Variants in COPG2 observed in about 807,000 individuals in gnomAD.
COPG2 encodes coat protein complex I subunit gamma 2.
In COPG2, 37 loss-of-function variants were observed where a neutral mutation model predicts 46.3. The observed-to-expected ratio is 0.80, with a 90% CI of 0.61 to 1.05. COPG2 has a LOEUF of 1.05. Among genes scored for constraint, COPG2 ranks in the 50% least tolerant of loss-of-function variants. The probability of loss-of-function intolerance (pLI) is 0.00; values close to 1 mark genes in which losing one functional copy is unlikely to be tolerated. For missense variants in COPG2, 427 were observed against 387.8 expected (o/e 1.10, Z -0.85); for synonymous variants, 159 against 129.7 (o/e 1.23, Z -1.53).
At position 130,668,701 on chromosome 7, in the gene COPG2, C is replaced by CA; in HGVS notation, c.-34dup. The CA allele has an allele frequency of 6.6e-7, 1 of 1,518,608 alleles. No homozygotes were observed. The highest frequency in any genetic ancestry group is 8.8e-7 in the Non-Finnish European group (1 of 1,133,782). The allele number at this position is 1,518,608 out of a possible 1,614,324, so 94.1% of individuals were successfully genotyped here. ...GACTTCCCAGCGCCCAGACCCACCG[C>CA]AACCGTCCCAGGCGCCGCAGCCGGC... On this transcript the variant is annotated 5_prime_UTR_variant, in exon 1 of 24. Coordinates refer to ENST00000425248, the MANE Select transcript of COPG2 (RefSeq NM_012133.6).
At chr7:130,665,479 G>GA (rs1185631499) in intron 3 of COPG2, among the ~76,000 whole-genome samples, 67 of 147,888 alleles carry the variant, frequency 4.5e-4, no homozygotes, top group African/African-American at 1.5e-3. Context: ...AATATTCAAG[G>GA]AAAAAAAAAA....
chr7:130,655,583 CCT>C (rs1795833800), intron 4 of COPG2, among the ~76,000 whole-genome samples: 1 of 152,132 alleles, frequency 6.6e-6, no homozygotes, highest in Non-Finnish European at 1.5e-5. Context: ...TCTCCCCGCC[CCT>C]CTTTTTTCTC....
At chr7:130,547,580 C>T in intron 20 of COPG2, 94 bp downstream of exon 20, 2 of 398,154 alleles carry the variant, frequency 5.0e-6, no homozygotes, top group Non-Finnish European at 8.9e-6. Context: ...TCTAGAAAAG[C>T]ATCACATTCT....
chr7:130,549,988 A>C (rs1793509368), intron 17 of COPG2, among the ~76,000 whole-genome samples: 1 of 152,216 alleles, frequency 6.6e-6, no homozygotes, highest in Non-Finnish European at 1.5e-5. Context: ...GACTTCAGAT[A>C]CTGTAATGCT....
intron 20 of COPG2, among the ~76,000 whole-genome samples, chr7:130,532,165 C>G (rs916195913): frequency 1.3e-5 from 2 of 152,130 alleles, no homozygotes; most frequent in African/African-American, 4.8e-5. Flanking sequence ...GGTGTGGGAA[C>G]ATAGTTCCCG....
intron 20 of COPG2, among the ~76,000 whole-genome samples, chr7:130,538,616 G>A (rs1013440481): frequency 2.0e-5 from 3 of 151,732 alleles, no homozygotes; most frequent in African/African-American, 4.8e-5. Context: ...AGGAAATGGG[G>A]CATCACTGCA....
chr7:130,523,139 G>A (rs1253822769), intron 20 of COPG2, among the ~76,000 whole-genome samples: 1 of 19,910 alleles, frequency 5.0e-5, no homozygotes, highest in African/African-American at 1.8e-4. Context: ...AAAAAAGAAG[G>A]CTCCAGGCCT....
intron 9 of COPG2, among the ~76,000 whole-genome samples, chr7:130,609,388 G>GCT (rs1354947551): frequency 6.6e-6 from 1 of 152,038 alleles, no homozygotes; most frequent in Non-Finnish European, 1.5e-5. Flanking sequence ...CTGCACAAGC[G>GCT]CTCTCTCTCT....
intron 20 of COPG2, among the ~76,000 whole-genome samples, chr7:130,522,463 G>A (rs972964640): frequency 5.7e-4 from 87 of 152,084 alleles, no homozygotes; most frequent in Admixed American, 2.2e-3. Context: ...AATATTGTAC[G>A]GGTGTGGAAG....
At chr7:130,556,172 G>A (rs1465164273) in intron 12 of COPG2, among the ~76,000 whole-genome samples, 1 of 152,170 alleles carries the variant, frequency 6.6e-6, no homozygotes, top group East Asian at 1.9e-4. Context: ...GAGTAAGTAT[G>A]CCTGTCCTTT....
chr7:130,587,310 A>G (rs1378294665), intron 9 of COPG2, among the ~76,000 whole-genome samples: 3 of 152,026 alleles, frequency 2.0e-5, no homozygotes, highest in African/African-American at 7.2e-5. Context: ...CCATCTCAAA[A>G]AAAAGAAAAG....
Position 130,564,602 on chromosome 7 carries a change from G to A in COPG2, c.738-209C>T. On this transcript the variant is annotated intron_variant, in intron 9 of 23. Coordinates refer to ENST00000425248, the MANE Select transcript of COPG2 (RefSeq NM_012133.6). ...ACTCTAAAAAATTAATCAAAGATTT[G>A]CAACAATCCTGAACATCTATTTAAG... is the stretch of plus-strand genomic sequence containing the variant. 4 of 375,988 alleles carry A rather than the reference G, an allele frequency of 1.1e-5. 1 individual carries two copies. The highest frequency in any genetic ancestry group is 1.4e-5 in the Non-Finnish European group (3 of 212,734). The allele number at this position is 375,988 out of a possible 1,614,324, so 23.3% of individuals were successfully genotyped here. A position where few individuals can be genotyped will look rare whatever the true frequency, so the allele number is the denominator to read the frequency against.
rs1001795874 is a variant in COPG2 at position 130,519,899 on chromosome 7, A to C, written c.2150-11240T>G. Among the ~76,000 whole-genome samples the C allele has an allele frequency of 7.2e-4, 109 of 152,314 alleles. 2 individuals carry two copies. The highest frequency in any genetic ancestry group is 1.2e-3 in the Non-Finnish European group (79 of 68,018). The stretch of plus-strand genomic sequence containing the variant: ...AGATCAGGAGTCTGAAAAAGAATAG[A>C]AGTTGGATAGGCTGGCACTTGAAGT... On this transcript the variant is annotated intron_variant, in intron 20 of 23. Transcript: ENST00000425248.
chr7:130,536,621 T>G (rs1436679593), intron 20 of COPG2, among the ~76,000 whole-genome samples: 1 of 151,892 alleles, frequency 6.6e-6, no homozygotes, highest in African/African-American at 2.4e-5. Context: ...CGGACAGACA[T>G]GTACAATGTG....
At chr7:130,569,736 C>G (rs1402282734) in intron 9 of COPG2, among the ~76,000 whole-genome samples, 1 of 151,996 alleles carries the variant, frequency 6.6e-6, no homozygotes, top group Non-Finnish European at 1.5e-5. Flanking sequence ...ATACCAAAAC[C>G]AGGAAACGAC....
In COPG2 at chr7:130,508,651, A is replaced by G. The variant is rs1554440570; in HGVS notation, c.2158T>C (p.Ser720Pro). The change falls in exon 21 of 24, where the codon TCC becomes CCC. Residue 720 changes from serine to proline, a missense_variant. Ser to Pro is a moderately conservative substitution (Grantham distance 74, BLOSUM62 -1). Coordinates refer to ENST00000425248, the MANE Select transcript of COPG2 (RefSeq NM_012133.6). The part of the protein sequence containing the change: ...PDDDPTAVAG[S>P]FSCTMKFTVR... ...GTAAACTTCATGGTGCAGCTAAAGG[A>G]GCCTGCAACTGGAGGAGAAGGGAGG... 1 of 766,546 alleles carries G rather than the reference A, an allele frequency of 1.3e-6. No individual in the cohort carries two copies. Among genetic ancestry groups the G allele is most frequent in the Non-Finnish European group, 2.4e-6 (1 of 411,388 alleles). 47.5% of individuals were successfully genotyped at this position (766,546 alleles called of 1,614,324 possible).
At chr7:130,585,350 A>T (rs2116448126) in intron 9 of COPG2, among the ~76,000 whole-genome samples, 1 of 152,260 alleles carries the variant, frequency 6.6e-6, no homozygotes, top group South Asian at 2.1e-4. Flanking sequence ...CTAAGACCTG[A>T]AACTATAAAA....
intron 9 of COPG2, among the ~76,000 whole-genome samples, chr7:130,584,940 T>A (rs1282364485): frequency 1.7e-4 from 26 of 151,558 alleles, no homozygotes; most frequent in Non-Finnish European, 5.9e-5. Context: ...AATACCACCA[T>A]CATTCTTCAC....
intron 20 of COPG2, among the ~76,000 whole-genome samples, chr7:130,526,445 G>T (rs1050474134): frequency 1.3e-5 from 2 of 152,042 alleles, no homozygotes; most frequent in African/African-American, 4.8e-5. Flanking sequence ...AAATGTGGAC[G>T]CAAGGGGAAA....
Sources: allele counts gnomAD v4.1 joint callset (sites outside exome capture counted in the v4.1 genomes callset), GRCh38; gene constraint gnomAD v4.1.1; transcripts MANE v1.5; gene names NCBI Gene and HGNC (gene_info 2026-07-23, HGNC 2026-07-21).